SH3RF3: variants seen among roughly 807,000 people sequenced by gnomAD.
SH3RF3 encodes the protein E3 ubiquitin-protein ligase SH3RF3.
In SH3RF3, 29 loss-of-function variants were observed where a neutral mutation model predicts 66.3. The observed-to-expected ratio is 0.44, with a 90% CI of 0.33 to 0.60. The LOEUF is 0.60. Among genes scored for constraint, SH3RF3 ranks in the 20% least tolerant of loss-of-function variants. The pLI, the probability that SH3RF3 is intolerant of heterozygous loss-of-function variation, is 0.04. For synonymous variants in SH3RF3, 583 were observed against 532.0 expected (o/e 1.10, Z -1.32); for missense variants, 1,194 against 1,190.9 (o/e 1.00, Z -0.04).
intron 1 of SH3RF3, among the ~76,000 whole-genome samples, chr2:109,237,027 G>A (rs931561339): frequency 3.9e-5 from 6 of 152,252 alleles, no homozygotes; most frequent in South Asian, 2.1e-4. Flanking sequence ...AGGTAGAGAA[G>A]CCAACACAAA....
At chr2:109,412,416 C>T (rs1442229332) in intron 4 of SH3RF3, among the ~76,000 whole-genome samples, 2 of 152,244 alleles carry the variant, frequency 1.3e-5, no homozygotes, top group Admixed American at 6.5e-5. Flanking sequence ...TGGTTTGGGA[C>T]AGCTTGGCTG....
At chr2:109,329,167 G>A (rs1016571086) in intron 1 of SH3RF3, among the ~76,000 whole-genome samples, 15 of 152,104 alleles carry the variant, frequency 9.9e-5, no homozygotes, top group African/African-American at 1.7e-4. Flanking sequence ...GTTTCTCTGC[G>A]CATTTGTTTG....
intron 3 of SH3RF3, among the ~76,000 whole-genome samples, chr2:109,384,632 C>T (rs924318164): frequency 3.7e-4 from 57 of 152,286 alleles, no homozygotes; most frequent in Middle Eastern, 3.4e-3. Flanking sequence ...CGAGTGCCCG[C>T]GACCTTGTGC....
At chr2:109,298,721 C>A (rs754759988) in intron 1 of SH3RF3, among the ~76,000 whole-genome samples, 3 of 152,132 alleles carry the variant, frequency 2.0e-5, no homozygotes, top group Non-Finnish European at 4.4e-5. Context: ...CTGACATACC[C>A]CATCAGCTCA....
intron 1 of SH3RF3, among the ~76,000 whole-genome samples, chr2:109,300,223 A>C (rs916255039): frequency 6.6e-6 from 1 of 152,104 alleles, no homozygotes; most frequent in African/African-American, 2.4e-5. Flanking sequence ...TCTTTGAGAT[A>C]GAGTCTCACT....
intron 8 of SH3RF3, among the ~76,000 whole-genome samples, chr2:109,481,632 G>A (rs771969583): frequency 3.3e-5 from 5 of 152,208 alleles, no homozygotes; most frequent in Admixed American, 6.5e-5. Context: ...TGTGCTAATA[G>A]GAAACCAAAG....
chr2:109,175,426 C>T (rs1677895091), intron 1 of SH3RF3, among the ~76,000 whole-genome samples: 1 of 152,210 alleles, frequency 6.6e-6, no homozygotes, highest in South Asian at 2.1e-4. Flanking sequence ...AACTTTTTGG[C>T]AGTCGTCTGT....
At chr2:109,372,539 GCAAC>G (rs1683296547) in intron 3 of SH3RF3, among the ~76,000 whole-genome samples, 1 of 152,210 alleles carries the variant, frequency 6.6e-6, no homozygotes, top group East Asian at 1.9e-4. Flanking sequence ...AATCTTCTCA[GCAAC>G]ACTGGCATAT....
chr2:109,277,423 C>T (rs744898), intron 1 of SH3RF3, among the ~76,000 whole-genome samples: 53,133 of 152,070 alleles, frequency 0.35, 9,399 homozygotes, highest in South Asian at 0.41. Flanking sequence ...TCAATTACTA[C>T]GACTGTATAA....
chr2:109,375,023 G>A (rs1489124252), intron 3 of SH3RF3, among the ~76,000 whole-genome samples: 1 of 152,232 alleles, frequency 6.6e-6, no homozygotes, highest in Non-Finnish European at 1.5e-5. Context: ...GCCTTGCACT[G>A]CTTCAGCTGC....
At chr2:109,354,341 G>C (rs1682901432) in intron 2 of SH3RF3, among the ~76,000 whole-genome samples, 1 of 152,166 alleles carries the variant, frequency 6.6e-6, no homozygotes, top group Non-Finnish European at 1.5e-5. Context: ...CCTTCTCTGG[G>C]CTCCAGCTTG....
In SH3RF3 at chr2:109,203,313, A is replaced by G. The variant is rs573385281; in HGVS notation, c.573+73200A>G. ...ACAGGTGGCTCTCTCAGGTGGACGC[A>G]GCAGACAGTGGCGCAGATGCGGCGG... On this transcript the variant is annotated intron_variant, in intron 1 of 9. Coordinates refer to ENST00000309415, the MANE Select transcript of SH3RF3 (RefSeq NM_001099289.3). Among the ~76,000 whole-genome samples the G allele has an allele frequency of 2.6e-5, 4 of 152,344 alleles. No individual in the cohort carries two copies. The South Asian group carries it at 6.2e-4, about 24-fold the overall frequency.
At chr2:109,200,959 C>A (rs1678656802) in intron 1 of SH3RF3, among the ~76,000 whole-genome samples, 1 of 152,176 alleles carries the variant, frequency 6.6e-6, no homozygotes. Context: ...CCGGGGCCCA[C>A]CCACACTGGC....
intron 8 of SH3RF3, among the ~76,000 whole-genome samples, chr2:109,451,547 G>A (rs1036160593): frequency 1.3e-5 from 2 of 150,330 alleles, no homozygotes; most frequent in Non-Finnish European, 1.5e-5. Flanking sequence ...CGTCCTGTAC[G>A]AATCTACACG....
intron 1 of SH3RF3, among the ~76,000 whole-genome samples, chr2:109,253,321 G>C (rs930014790): frequency 4.6e-5 from 7 of 152,176 alleles, no homozygotes; most frequent in Middle Eastern, 3.2e-3. Context: ...GCCCGGCCTA[G>C]CCTTTAAATT....
At chr2:109,196,219 G>T (rs935340357) in intron 1 of SH3RF3, among the ~76,000 whole-genome samples, 1 of 152,178 alleles carries the variant, frequency 6.6e-6, no homozygotes, top group African/African-American at 2.4e-5. Context: ...CCATGTCGGG[G>T]TGTTTGGGAC....
At chr2:109,446,821 C>T (rs1573258497) in intron 7 of SH3RF3, among the ~76,000 whole-genome samples, 2 of 152,062 alleles carry the variant, frequency 1.3e-5, no homozygotes. Flanking sequence ...GAGGGGAAGC[C>T]GGCCAGGAGG....
intron 1 of SH3RF3, among the ~76,000 whole-genome samples, chr2:109,344,681 G>T (rs1447702097): frequency 6.6e-6 from 1 of 152,204 alleles, no homozygotes; most frequent in Non-Finnish European, 1.5e-5. Flanking sequence ...GAGTGGGAGG[G>T]TGCACAGCCC....
chr2:109,163,178 C>G (rs558388579), intron 1 of SH3RF3, among the ~76,000 whole-genome samples: 3 of 152,286 alleles, frequency 2.0e-5, no homozygotes, highest in Non-Finnish European at 4.4e-5. Flanking sequence ...GAGCTCACCC[C>G]CGAGGCGGGA....
Sources: gnomAD v4.1 joint callset for allele counts (sites outside exome capture counted in the v4.1 genomes callset) on GRCh38, gnomAD v4.1.1 for gene constraint, MANE v1.5 for transcripts, NCBI Gene and HGNC (gene_info 2026-07-23, HGNC 2026-07-21) for gene names.